KIAA1217: variants seen among roughly 807,000 people sequenced by gnomAD.
KIAA1217 encodes KIAA1217, also known as sickle tail protein homolog.
In KIAA1217, 88 loss-of-function variants were observed where a neutral mutation model predicts 163.9. The ratio of observed to expected loss-of-function variants is 0.54; its 90% CI spans 0.45 to 0.64. The LOEUF (loss-of-function observed/expected upper bound fraction) is 0.64. KIAA1217 is among the 30% of genes least tolerant of loss of function. The pLI is 0.00. For missense variants in KIAA1217, 2,372 were observed against 2,475.0 expected (o/e 0.96, Z 0.88); for synonymous variants, 903 against 923.1 (o/e 0.98, Z 0.39).
chr10:23,825,112 C>T (rs1837837724), intron 1 of KIAA1217, among the ~76,000 whole-genome samples: 1 of 152,174 alleles, frequency 6.6e-6, no homozygotes, highest in African/African-American at 2.4e-5. Context: ...CCTGCACGCA[C>T]CTTTTGTTTC....
chr10:23,849,563 C>T (rs533479718), intron 1 of KIAA1217, among the ~76,000 whole-genome samples: 77 of 152,154 alleles, frequency 5.1e-4, no homozygotes, highest in Non-Finnish European at 9.0e-4. Flanking sequence ...AGCTGAGCTT[C>T]GCATCTCACT....
At chr10:24,157,809 A>G (rs532057904) in intron 2 of KIAA1217, 16 of 446,616 alleles carry the variant, frequency 3.6e-5, no homozygotes, top group Non-Finnish European at 6.1e-5. Flanking sequence ...TATTTCTAAG[A>G]ATATAAAATA....
At chr10:23,875,883 G>T (rs976302316) in intron 1 of KIAA1217, among the ~76,000 whole-genome samples, 2 of 150,816 alleles carry the variant, frequency 1.3e-5, no homozygotes, top group Non-Finnish European at 3.0e-5. Context: ...CTCACTCATA[G>T]GTGGGAGTTA....
At chr10:24,305,548 G>T (rs220363) in intron 2 of KIAA1217, among the ~76,000 whole-genome samples, 122,927 of 152,164 alleles carry the variant, frequency 0.81, 50,985 homozygotes, top group Non-Finnish European at 0.9. Flanking sequence ...GCTTTAAACT[G>T]TAAACTAAAT....
At chr10:24,087,879 G>A (rs143321833) in intron 2 of KIAA1217, among the ~76,000 whole-genome samples, 32 of 152,030 alleles carry the variant, frequency 2.1e-4, no homozygotes, top group Admixed American at 3.3e-4. Flanking sequence ...AGAGTGTGTC[G>A]TGGATTTTCT....
chr10:24,107,146 T>A (rs2062663877), intron 2 of KIAA1217, among the ~76,000 whole-genome samples: 1 of 152,256 alleles, frequency 6.6e-6, no homozygotes, highest in African/African-American at 2.4e-5. Flanking sequence ...TTTGGTTTTC[T>A]GTTGCTGCGT....
intron 6 of KIAA1217, among the ~76,000 whole-genome samples, chr10:24,487,074 G>A (rs1030439543): frequency 1.3e-5 from 2 of 152,150 alleles, no homozygotes; most frequent in African/African-American, 2.4e-5. Context: ...TTTGGTCTAC[G>A]GCTTCTCCGC....
chr10:24,517,943 T>G (rs1374057774), intron 10 of KIAA1217, among the ~76,000 whole-genome samples: 3 of 152,074 alleles, frequency 2.0e-5, no homozygotes, highest in African/African-American at 7.2e-5. Context: ...TGCAGTAAGC[T>G]AAGATCAGGC....
At chr10:23,776,110 T>C (rs1247281937) in intron 1 of KIAA1217, among the ~76,000 whole-genome samples, 1 of 152,140 alleles carries the variant, frequency 6.6e-6, no homozygotes, top group African/African-American at 2.4e-5. Flanking sequence ...AGGAATTACA[T>C]TGGATCAGTG....
intron 2 of KIAA1217, among the ~76,000 whole-genome samples, chr10:24,278,689 T>C (rs575103627): frequency 6.6e-6 from 1 of 152,256 alleles, no homozygotes; most frequent in South Asian, 2.1e-4. Flanking sequence ...TAGTGGGGAC[T>C]GCAAATAAAG....
chr10:24,287,879 A>G (rs1170713017), intron 2 of KIAA1217, among the ~76,000 whole-genome samples: 1 of 152,222 alleles, frequency 6.6e-6, no homozygotes, highest in Admixed American at 6.5e-5. Flanking sequence ...GTTGAGACAT[A>G]TCTCACTTAA....
intron 1 of KIAA1217, among the ~76,000 whole-genome samples, chr10:24,214,780 T>G (rs2068602838): frequency 6.6e-6 from 1 of 152,084 alleles, no homozygotes; most frequent in Admixed American, 6.5e-5. Context: ...TAGAAAGAAG[T>G]GAGGGATGCC....
intron 2 of KIAA1217, among the ~76,000 whole-genome samples, chr10:24,251,400 C>CAAAAAA (rs55668887): frequency 4.4e-5 from 4 of 90,524 alleles, no homozygotes; most frequent in South Asian, 4.2e-4. Flanking sequence ...GACACTGTCT[C>CAAAAAA]AAAAAAAAAA....
At position 24,251,200 on chromosome 10, in the gene KIAA1217, T is replaced by C. The variant is rs1016806267; in HGVS notation, c.354+31291T>C. 4.4e-4 allele frequency among the ~76,000 whole-genome samples: 67 copies of C among 151,988 alleles called. 1 individual carries two copies. Among genetic ancestry groups the C allele is most frequent in the Admixed American group, 7.2e-4 (11 of 15,256 alleles). On this transcript the variant is annotated intron_variant, in intron 2 of 20. Transcript: ENST00000376454. ...GAGATCACACCACTGCACTCCAGCC[T>C]GGGCGACAGAGTGAGACTATGTCTC...
chr10:24,113,632 T>TG (rs1180322520), intron 2 of KIAA1217, among the ~76,000 whole-genome samples: 3 of 152,180 alleles, frequency 2.0e-5, no homozygotes, highest in Non-Finnish European at 4.4e-5. Context: ...ATGACACCAC[T>TG]GAGCAGAGCT....
intron 2 of KIAA1217, among the ~76,000 whole-genome samples, chr10:24,254,576 T>C (rs914081259): frequency 2.6e-5 from 4 of 152,216 alleles, no homozygotes; most frequent in African/African-American, 9.6e-5. Context: ...TCTGTTGTTC[T>C]AGAAGCTCCA....
At chr10:23,722,454 C>G (rs1837923330) in intron 1 of KIAA1217, among the ~76,000 whole-genome samples, 1 of 152,086 alleles carries the variant, frequency 6.6e-6, no homozygotes, top group South Asian at 2.1e-4. Context: ...TTAAGTCTAT[C>G]ATCAGCTCTT....
intron 2 of KIAA1217, among the ~76,000 whole-genome samples, chr10:24,301,266 C>G (rs1773317315): frequency 6.6e-6 from 1 of 152,072 alleles, no homozygotes; most frequent in Non-Finnish European, 1.5e-5. Context: ...GTATCAATGA[C>G]ATTTCATTAT....
chr10:24,502,240 C>CTTTTTTTTTTTTT (rs772404852), intron 9 of KIAA1217, among the ~76,000 whole-genome samples: 92 of 80,626 alleles, frequency 1.1e-3, no homozygotes, highest in East Asian at 2.5e-3. Context: ...GTCAGCCAAG[C>CTTTTTTTTTTTTT]TTTTTTTTTT....
Sources: allele counts gnomAD v4.1 joint callset (sites outside exome capture counted in the v4.1 genomes callset), GRCh38; gene constraint gnomAD v4.1.1; transcripts MANE v1.5; gene names NCBI Gene and HGNC (gene_info 2026-07-23, HGNC 2026-07-21).